RAB5C: variants seen among roughly 807,000 people sequenced by gnomAD.
RAB5C encodes the protein RAB5C, member RAS oncogene family, also known as ras-related protein Rab-5C.
A neutral mutation model predicts 25.2 loss-of-function variants in RAB5C; 4 were observed. That is an observed-to-expected ratio of 0.16 (90% confidence interval 0.08 to 0.36). RAB5C has a LOEUF of 0.36. Ranked by LOEUF, RAB5C falls within the 10% of genes least tolerant of loss-of-function variation. The pLI is 1.00. For synonymous variants in RAB5C, 100 were observed against 106.4 expected, an observed-to-expected ratio of 0.94 and a Z score of 0.37; for missense variants, 199 against 283.8, an observed-to-expected ratio of 0.70 and a Z score of 2.15.
chr17:42,151,498 G>A (rs1365637562), intron 1 of RAB5C, among the ~76,000 whole-genome samples: 2 of 152,052 alleles, frequency 1.3e-5, no homozygotes, highest in Non-Finnish European at 1.5e-5. Context: ...GAATTTAAAT[G>A]TATGATCTTG....
Position 42,126,822 on chromosome 17 carries a change from G to A in RAB5C, c.468C>T (p.Asn156=), listed in dbSNP as rs778913028. 10 of 1,613,040 alleles carry A rather than the reference G, an allele frequency of 6.2e-6. No homozygotes were observed. The highest frequency in any genetic ancestry group is 8.5e-6 in the Non-Finnish European group (10 of 1,179,252). The change falls in exon 5 of 6, where the codon AAC becomes AAT. Residue 156 remains asparagine (N), a synonymous_variant. Transcript: ENST00000346213. ...FQEAQAYADD[N]SLLFMETSAK... is the part of the protein sequence containing the mutation. ...CTGATGTCTCCATGAACAGCAAACT[G>A]TTGTCGTCTGCATAGGCTTGTGCTT... is the stretch of plus-strand genomic sequence containing the variant.
chr17:42,142,670 G>A (rs2079610138), intron 1 of RAB5C, among the ~76,000 whole-genome samples: 1 of 152,162 alleles, frequency 6.6e-6, no homozygotes, highest in Non-Finnish European at 1.5e-5. Flanking sequence ...AAGGCAAAAG[G>A]CTTGTAAACC....
In RAB5C at chr17:42,137,283, A is replaced by G. The variant is rs541146661; in HGVS notation, c.-88-6693T>C. 3.9e-3 allele frequency among the ~76,000 whole-genome samples: 590 copies of G among 151,566 alleles called. 3 individuals carry two copies. Among genetic ancestry groups the G allele is most frequent in the Non-Finnish European group, 7.3e-3 (492 of 67,840 alleles). ...ATCGCACCATTGCACTCCAGCCTGGACAACAGAGCGAGACACTGTCTCAAA... is the reference window on the plus strand; with the variant it reads ...ATCGCACCATTGCACTCCAGCCTGGGCAACAGAGCGAGACACTGTCTCAAA... On this transcript the variant is annotated intron_variant, in intron 1 of 5. Coordinates refer to ENST00000346213, the MANE Select transcript of RAB5C (RefSeq NM_004583.4).
At chr17:42,131,485 C>G in intron 1 of RAB5C, 1 of 942,756 alleles carries the variant, frequency 1.1e-6, no homozygotes, top group South Asian at 1.5e-5. Flanking sequence ...CACAGAAATA[C>G]ACACCAAAAC....
In RAB5C at chr17:42,148,358, C is replaced by G. The variant is rs540917397; in HGVS notation, c.-89+6535G>C. On this transcript the variant is annotated intron_variant, in intron 1 of 5. Transcript: ENST00000346213. ...AGGCGGAGGTTACAGTGAGCAAGAT[C>G]GTACCATTGCACTCCAGCCTGGGTG... Among the ~76,000 whole-genome samples the G allele has an allele frequency of 5.9e-5, 8 of 134,810 alleles. No homozygotes were observed. In the South Asian group the frequency reaches 1.6e-3, roughly 28 times the overall value. The allele number at this position is 134,810 out of a possible 152,430, so 88.4% of individuals were successfully genotyped here.
rs143805194 is a variant in RAB5C at position 42,143,151 on chromosome 17, G to T, written c.-89+11742C>A. Among the ~76,000 whole-genome samples, 602 of 152,300 alleles carry T rather than the reference G, an allele frequency of 4.0e-3. 3 individuals carry two copies. Among genetic ancestry groups the T allele is most frequent in the African/African-American group, 0.013 (549 of 41,572 alleles). The stretch of plus-strand genomic sequence containing the variant: ...CAGGACTGCAGTTGATTCTCAGGGG[G>T]TAGATTTCCCAGGTCCACCTCTACC... On this transcript the variant is annotated intron_variant, in intron 1 of 5. Coordinates refer to ENST00000346213, the MANE Select transcript of RAB5C (RefSeq NM_004583.4).
intron 1 of RAB5C, among the ~76,000 whole-genome samples, chr17:42,134,877 G>A (rs2054519995): frequency 6.6e-6 from 1 of 152,182 alleles, no homozygotes; most frequent in Non-Finnish European, 1.5e-5. Flanking sequence ...AAGGATGGAA[G>A]AGAAAGAGAA....
At chr17:42,131,853 CAT>C in intron 1 of RAB5C, 1 of 485,142 alleles carries the variant, frequency 2.1e-6, no homozygotes, top group South Asian at 2.4e-5. Context: ...TCTCATCAGA[CAT>C]ATACATCTGA....
chr17:42,146,098 C>T (rs549669381), intron 1 of RAB5C, among the ~76,000 whole-genome samples: 53 of 152,184 alleles, frequency 3.5e-4, no homozygotes, highest in African/African-American at 1.3e-3. Context: ...TGAGTCACCG[C>T]GCCTGGCCGA....
chr17:42,139,949 A>G (rs2144082181), intron 1 of RAB5C, among the ~76,000 whole-genome samples: 1 of 152,278 alleles, frequency 6.6e-6, no homozygotes, highest in East Asian at 1.9e-4. Context: ...AGCCTACCCC[A>G]ACTATCCTGT....
At chr17:42,140,107 C>T (rs1478879430) in intron 1 of RAB5C, among the ~76,000 whole-genome samples, 1 of 152,160 alleles carries the variant, frequency 6.6e-6, no homozygotes, top group African/African-American at 2.4e-5. Flanking sequence ...TGCTGCTTCC[C>T]TAGGCCCAGA....
At chr17:42,147,235 G>A (rs999089294) in intron 1 of RAB5C, among the ~76,000 whole-genome samples, 1 of 152,038 alleles carries the variant, frequency 6.6e-6, no homozygotes, top group African/African-American at 2.4e-5. Flanking sequence ...ACAGGACCAG[G>A]GAATGTTAAA....
intron 1 of RAB5C, among the ~76,000 whole-genome samples, chr17:42,142,293 C>T (rs2079608082): frequency 6.6e-6 from 1 of 151,966 alleles, no homozygotes. Context: ...CCTTGGCCTC[C>T]CAAAGTACTG....
chr17:42,133,967 T>C (rs966104001), intron 1 of RAB5C, among the ~76,000 whole-genome samples: 1 of 152,198 alleles, frequency 6.6e-6, no homozygotes, highest in African/African-American at 2.4e-5. Context: ...CTTCCAGAGA[T>C]ACCTGAGCAG....
rs543304262 is a variant in RAB5C, at chr17:42,125,710, C to T, written c.*73G>A. ...CAGTGGTGGCCCGAGTCGTTAAGTGCGATTGGTTAGAGTGGATTCCAGTCG... is the reference window on the plus strand; with the variant it reads ...CAGTGGTGGCCCGAGTCGTTAAGTGTGATTGGTTAGAGTGGATTCCAGTCG... On this transcript the variant is annotated 3_prime_UTR_variant, in exon 6 of 6. Coordinates refer to ENST00000346213, the MANE Select transcript of RAB5C (RefSeq NM_004583.4). 1.3e-5 allele frequency: 14 copies of T among 1,101,114 alleles called. No homozygotes were observed. The East Asian group carries it at 2.8e-4, about 22-fold the overall frequency. The allele number at this position is 1,101,114 out of a possible 1,614,324, so 68.2% of individuals were successfully genotyped here. A position where few individuals can be genotyped will look rare whatever the true frequency, so the allele number is the denominator to read the frequency against.
intron 1 of RAB5C, among the ~76,000 whole-genome samples, chr17:42,154,236 G>C (rs924917309): frequency 6.6e-6 from 1 of 152,218 alleles, no homozygotes; most frequent in Non-Finnish European, 1.5e-5. Context: ...TTCAGAGGCA[G>C]AAAGAGAGAG....
In RAB5C at chr17:42,126,792, C is replaced by G; in HGVS notation, c.498G>C (p.Lys166Asn). ...AGATTTCGTTCACGTTCATTGCAGT[C>G]TTTGCTGATGTCTCCATGAACAGCA... Reference protein sequence around the residue: ...NSLLFMETSAKTAMNVNEIFM... With the variant: ...NSLLFMETSANTAMNVNEIFM... Residue 166 changes from lysine (K) to asparagine (N), a missense_variant, in exon 5 of 6, where the codon AAG (lysine) becomes AAC (asparagine). Physicochemically the swap from Lys to Asn is moderately conservative, Grantham distance 94. Transcript: ENST00000346213. 1 of 1,613,544 alleles carries G rather than the reference C, an allele frequency of 6.2e-7. No individual in the cohort carries two copies.
At chr17:42,144,880 T>C (rs1471740769) in intron 1 of RAB5C, among the ~76,000 whole-genome samples, 5 of 127,342 alleles carry the variant, frequency 3.9e-5, no homozygotes, top group East Asian at 2.5e-4. Flanking sequence ...TGAGCCGAGA[T>C]TGCCCCACTG....
At chr17:42,150,708 T>C (rs1307933501) in intron 1 of RAB5C, among the ~76,000 whole-genome samples, 6 of 139,554 alleles carry the variant, frequency 4.3e-5, no homozygotes, top group African/African-American at 8.1e-5. Flanking sequence ...TCTACAAAAA[T>C]ACCAAAAAAA....
Sources: allele counts gnomAD v4.1 joint callset (sites outside exome capture counted in the v4.1 genomes callset), GRCh38; gene constraint gnomAD v4.1.1; transcripts MANE v1.5; gene names NCBI Gene and HGNC (gene_info 2026-07-23, HGNC 2026-07-21).